Variants in COL22A1 observed in about 807,000 individuals in gnomAD.
COL22A1 encodes the protein collagen type XXII alpha 1 chain.
COL22A1 carries 221 observed loss-of-function variants against 248.9 expected under a neutral mutation model. That is an observed-to-expected ratio of 0.89 (90% CI 0.80 to 0.99). The LOEUF (loss-of-function observed/expected upper bound fraction) is 0.99, where lower values mean the gene tolerates loss of function less well. Ranked by LOEUF, COL22A1 falls within the 50% of genes least tolerant of loss-of-function variation. The probability of loss-of-function intolerance (pLI) is 0.00; values close to 1 mark genes in which losing one functional copy is unlikely to be tolerated. For missense variants in COL22A1, 2,240 were observed against 2,179.0 expected, an observed-to-expected ratio of 1.03 and a Z score of -0.56; for synonymous variants, 891 against 793.4, an observed-to-expected ratio of 1.12 and a Z score of -2.07.
At chr8:138,670,403 G>A (rs376634117) in intron 41 of COL22A1, among the ~76,000 whole-genome samples, 46 of 152,176 alleles carry the variant, frequency 3.0e-4, no homozygotes, top group African/African-American at 1.1e-3. Context: ...CTTGAGCATC[G>A]GCCATGGGGG....
intron 21 of COL22A1, among the ~76,000 whole-genome samples, chr8:138,754,645 G>A (rs941220923): frequency 1.3e-5 from 2 of 152,062 alleles, no homozygotes; most frequent in African/African-American, 4.8e-5. Context: ...TAATCACAAG[G>A]GCCCTTTGGA....
At chr8:138,643,848 T>C (rs554095346) in intron 47 of COL22A1, among the ~76,000 whole-genome samples, 2 of 152,244 alleles carry the variant, frequency 1.3e-5, no homozygotes, top group East Asian at 3.9e-4. Context: ...TACAGGTTTG[T>C]GCTACCACAC....
At chr8:138,605,521 G>C (rs1366631217) in intron 58 of COL22A1, among the ~76,000 whole-genome samples, 1 of 152,174 alleles carries the variant, frequency 6.6e-6, no homozygotes, top group East Asian at 1.9e-4. Context: ...GCAAAGCCTG[G>C]GCAGCATGGT....
chr8:138,875,517 T>C (rs1236058605), intron 3 of COL22A1, among the ~76,000 whole-genome samples: 3 of 152,216 alleles, frequency 2.0e-5, no homozygotes, highest in Non-Finnish European at 2.9e-5. Context: ...TTCTGGATTC[T>C]GGAATGACAG....
At chr8:138,623,839 A>G in intron 51 of COL22A1, 54 bp from the exon 52 acceptor site, 1 of 1,530,032 alleles carries the variant, frequency 6.5e-7, no homozygotes, top group South Asian at 1.2e-5. Flanking sequence ...GAGGGGATGG[A>G]AAGACGAAGG....
Position 138,626,302 on chromosome 8 carries a change from A to C in COL22A1, c.3664-59T>G, listed in dbSNP as rs1374912958. 5.9e-6 allele frequency: 8 copies of C among 1,367,228 alleles called. No homozygotes were observed. The East Asian group carries it at 1.6e-4, about 27-fold the overall frequency. 84.7% of individuals were successfully genotyped at this position (1,367,228 alleles called of 1,614,324 possible). A position where few individuals can be genotyped will look rare whatever the true frequency, so the allele number is the denominator to read the frequency against. On this transcript the variant is annotated intron_variant, in intron 50 of 64. Coordinates refer to ENST00000303045, the MANE Select transcript of COL22A1 (RefSeq NM_152888.3). ...CCTCTGCTGGCTTTTCTGGAAGTAA[A>C]TGACTTCACAAGGAACTGCATTCAT...
At chr8:138,591,873 T>C (rs1817085438) in intron 63 of COL22A1, among the ~76,000 whole-genome samples, 1 of 152,208 alleles carries the variant, frequency 6.6e-6, no homozygotes, top group South Asian at 2.1e-4. Flanking sequence ...ATTCACATAC[T>C]GACTCATTCA....
At chr8:138,723,984 A>G (rs115239478) in intron 25 of COL22A1, among the ~76,000 whole-genome samples, 23 of 152,254 alleles carry the variant, frequency 1.5e-4, no homozygotes, top group Admixed American at 5.2e-4. Context: ...TCTGGGCTCA[A>G]TGAGGGAGAA....
At chr8:138,799,464 T>C (rs1816821939) in intron 11 of COL22A1, among the ~76,000 whole-genome samples, 1 of 152,212 alleles carries the variant, frequency 6.6e-6, no homozygotes, top group Admixed American at 6.5e-5. Context: ...TTACCAAAAA[T>C]TGTTTTTGTT....
At chr8:138,619,120 A>G (rs778011480) in intron 53 of COL22A1, among the ~76,000 whole-genome samples, 6 of 152,196 alleles carry the variant, frequency 3.9e-5, no homozygotes, top group Non-Finnish European at 8.8e-5. Context: ...AGTTGGGAAA[A>G]AAAACCTTAG....
intron 35 of COL22A1, among the ~76,000 whole-genome samples, chr8:138,691,843 G>A (rs1300406917): frequency 2.2e-3 from 138 of 63,894 alleles, no homozygotes; most frequent in African/African-American, 7.7e-3. Context: ...TGTATGTGGA[G>A]GTGTGTGTGC....
intron 64 of COL22A1, among the ~76,000 whole-genome samples, 173 bp downstream of exon 64, chr8:138,591,251 C>T (rs965400612): frequency 2.0e-5 from 3 of 152,082 alleles, no homozygotes; most frequent in Admixed American, 6.5e-5. Context: ...TCAAGAAGGT[C>T]GTATTTTAGA....
rs1822088593 is a variant in COL22A1, at chr8:138,857,070, T to C, written c.659-12912A>G. ...TGCCTGTCCCCTCCTGGCCTTGCTG[T>C]CCGCATCCCCATTTCCTCCCCTCTC... On this transcript the variant is annotated intron_variant, in intron 3 of 64. Coordinates refer to ENST00000303045, the MANE Select transcript of COL22A1 (RefSeq NM_152888.3). Among the ~76,000 whole-genome samples, 3 of 151,940 alleles carry C rather than the reference T, an allele frequency of 2.0e-5. No individual in the cohort carries two copies. In the South Asian group the frequency reaches 6.2e-4, roughly 32 times the overall value.
At chr8:138,722,222 C>A (rs910989903) in intron 25 of COL22A1, 133 bp from the exon 26 acceptor site, 2 of 662,322 alleles carry the variant, frequency 3.0e-6, no homozygotes, top group African/African-American at 3.7e-5. Context: ...CTTTGATTAG[C>A]AGGGCCCTGT....
intron 51 of COL22A1, among the ~76,000 whole-genome samples, chr8:138,624,897 T>C (rs1820112590): frequency 6.6e-6 from 1 of 152,202 alleles, no homozygotes; most frequent in African/African-American, 2.4e-5. Context: ...TTGTCAATAT[T>C]TGCTGTGTGC....
rs376784967 is a variant in COL22A1, at chr8:138,765,008, G to T, written c.1804-2542C>A. Among the ~76,000 whole-genome samples the T allele has an allele frequency of 7.2e-5, 11 of 152,154 alleles. No individual in the cohort carries two copies. In the East Asian group the frequency reaches 1.5e-3, roughly 21 times the overall value. On this transcript the variant is annotated intron_variant, in intron 16 of 64. Coordinates refer to ENST00000303045, the MANE Select transcript of COL22A1 (RefSeq NM_152888.3). ...AAAGTCTTTGCATCACGTGACACTTGGGGCGAATGGTGAGTGGAGCTGCCT... is the reference window on the plus strand; with the variant it reads ...AAAGTCTTTGCATCACGTGACACTTTGGGCGAATGGTGAGTGGAGCTGCCT...
intron 16 of COL22A1, among the ~76,000 whole-genome samples, chr8:138,769,485 C>T (rs1231914073): frequency 1.3e-5 from 2 of 152,154 alleles, no homozygotes; most frequent in Admixed American, 6.5e-5. Context: ...CACCCAGACA[C>T]CTCCAAGCTA....
At chr8:138,661,301 G>A (rs190184530) in intron 43 of COL22A1, among the ~76,000 whole-genome samples, 1 of 152,308 alleles carries the variant, frequency 6.6e-6, no homozygotes, top group African/African-American at 2.4e-5. Context: ...AGGAAGAGAA[G>A]GACATTTTGT....
intron 62 of COL22A1, 136 bp from the exon 63 acceptor site, chr8:138,594,335 A>T: frequency 1.4e-6 from 1 of 697,030 alleles, no homozygotes; most frequent in Non-Finnish European, 2.3e-6. Flanking sequence ...ATGGCTACTC[A>T]CTGACAACTC....
Sources: allele counts gnomAD v4.1 joint callset (sites outside exome capture counted in the v4.1 genomes callset), GRCh38; gene constraint gnomAD v4.1.1; transcripts MANE v1.5; gene names NCBI Gene and HGNC (gene_info 2026-07-23, HGNC 2026-07-21).